The following VPS13D variants were observed in gnomAD, a reference collection of about 807,000 sequenced individuals.
VPS13D encodes the protein intermembrane lipid transfer protein VPS13D.
A neutral mutation model predicts 461.9 loss-of-function variants in VPS13D; 187 were observed. The ratio of observed to expected loss-of-function variants is 0.40; its 90% CI spans 0.36 to 0.46. VPS13D has a LOEUF of 0.46. Among genes scored for constraint, VPS13D ranks in the 20% least tolerant of loss-of-function variants. The probability of loss-of-function intolerance (pLI) is 0.60; values close to 1 mark genes in which losing one functional copy is unlikely to be tolerated. For synonymous variants in VPS13D, 1,951 were observed against 1,986.3 expected, an observed-to-expected ratio of 0.98 and a Z score of 0.47; for missense variants, 4,711 against 5,364.9, an observed-to-expected ratio of 0.88 and a Z score of 3.81.
rs189513902 is a variant in VPS13D, at chr1:12,318,806, A to G, written c.7414+469A>G. On this transcript the variant is annotated intron_variant, in intron 31 of 69. Coordinates refer to ENST00000620676, the MANE Select transcript of VPS13D (RefSeq NM_015378.4). Reference sequence around the variant, plus strand: ...GAATTTACTATGGCATTTGTTGACTAGCGAACTCATCTAGTGCATCTGTAT... The same window carrying G: ...GAATTTACTATGGCATTTGTTGACTGGCGAACTCATCTAGTGCATCTGTAT... Among the ~76,000 whole-genome samples, 257 of 152,372 alleles carry G rather than the reference A, an allele frequency of 1.7e-3. 2 individuals carry two copies. Among genetic ancestry groups the G allele is most frequent in the Middle Eastern group, 0.01 (3 of 294 alleles).
intron 67 of VPS13D, among the ~76,000 whole-genome samples, chr1:12,466,705 C>T (rs1399467280): frequency 6.6e-6 from 1 of 152,176 alleles, no homozygotes; most frequent in African/African-American, 2.4e-5. Context: ...GAACTTGTAC[C>T]TGTTTGACCC....
At chr1:12,289,811 C>T (rs375341173) in intron 22 of VPS13D, among the ~76,000 whole-genome samples, 1 of 152,014 alleles carries the variant, frequency 6.6e-6, no homozygotes, top group African/African-American at 2.4e-5. Context: ...TGGCCAGTGC[C>T]TGTAGTCCCA....
chr1:12,381,896 GTCT>G (rs1644276884), intron 57 of VPS13D, among the ~76,000 whole-genome samples: 1 of 140,304 alleles, frequency 7.1e-6, no homozygotes, highest in Non-Finnish European at 1.6e-5. Context: ...CAGTCAGTCT[GTCT>G]TTTTTTCTTT....
chr1:12,501,224 G>A (rs1182098044), intron 68 of VPS13D, among the ~76,000 whole-genome samples: 3 of 151,896 alleles, frequency 2.0e-5, no homozygotes, highest in Admixed American at 6.6e-5. Flanking sequence ...ATTTTTGAGC[G>A]CACCATATAA....
chr1:12,257,923 G>A lies in VPS13D; in HGVS notation c.942-12G>A. ...TTGTAAGAAGTGATTACATCGTTATGGACTATTTCAGCTGCCGAGAATGGT... is the reference window on the plus strand; with the variant it reads ...TTGTAAGAAGTGATTACATCGTTATAGACTATTTCAGCTGCCGAGAATGGT... On this transcript the variant is annotated splice_polypyrimidine_tract_variant and intron_variant, in intron 9 of 69. Coordinates refer to ENST00000620676, the MANE Select transcript of VPS13D (RefSeq NM_015378.4). 1 of 1,614,050 alleles carries A rather than the reference G, an allele frequency of 6.2e-7. No homozygotes were observed. The highest frequency in any genetic ancestry group is 1.1e-5 in the South Asian group (1 of 91,074).
rs1318815212 is a variant in VPS13D, at chr1:12,362,963, G to T, written c.10273-109G>T. 5.7e-6 allele frequency: 9 copies of T among 1,579,916 alleles called. No homozygotes were observed. In the Admixed American group the frequency reaches 1.6e-4, roughly 27 times the overall value. ...ATGCAAGTAACTGCTCTGTGCCTTT[G>T]GTACCCAGATAGCTCCTGTTAGAGG... On this transcript the variant is annotated intron_variant, in intron 51 of 69. Transcript: ENST00000620676.
chr1:12,381,422 C>T (rs1644270236), intron 57 of VPS13D, among the ~76,000 whole-genome samples: 2 of 152,190 alleles, frequency 1.3e-5, no homozygotes, highest in Admixed American at 6.5e-5. Flanking sequence ...AGCCATAATC[C>T]TGTAGACTCG....
At chr1:12,410,074 A>G (rs1202809922) in intron 63 of VPS13D, among the ~76,000 whole-genome samples, 1 of 152,228 alleles carries the variant, frequency 6.6e-6, no homozygotes, top group Admixed American at 6.5e-5. Context: ...TGCTACTAAG[A>G]GAGCTGGTAA....
intron 52 of VPS13D, among the ~76,000 whole-genome samples, chr1:12,367,104 G>T (rs750131502): frequency 6.6e-6 from 1 of 152,104 alleles, no homozygotes; most frequent in African/African-American, 2.4e-5. Flanking sequence ...TAGTTGCCAC[G>T]TGTATTCTCT....
At chr1:12,289,824 G>T (rs1440315926) in intron 22 of VPS13D, among the ~76,000 whole-genome samples, 4 of 151,922 alleles carry the variant, frequency 2.6e-5, no homozygotes, top group Non-Finnish European at 5.9e-5. Flanking sequence ...TAGTCCCAGC[G>T]ACTCAGGAGG....
intron 65 of VPS13D, among the ~76,000 whole-genome samples, chr1:12,424,982 G>A (rs552145376): frequency 6.6e-6 from 1 of 152,118 alleles, no homozygotes; most frequent in South Asian, 2.1e-4. Flanking sequence ...TTCTTAGGTT[G>A]GCTGGTGACC....
chr1:12,280,236 G>T (rs1477692313), intron 20 of VPS13D, among the ~76,000 whole-genome samples: 1 of 152,062 alleles, frequency 6.6e-6, no homozygotes, highest in African/African-American at 2.4e-5. Context: ...CTCTTAGGAC[G>T]GTCTGTGGTC....
chr1:12,465,928 A>G (rs1488614183), intron 67 of VPS13D, among the ~76,000 whole-genome samples: 5 of 152,106 alleles, frequency 3.3e-5, no homozygotes, highest in Admixed American at 3.3e-4. Context: ...CGAGGTCAAG[A>G]GATCGAGACC....
intron 46 of VPS13D, among the ~76,000 whole-genome samples, chr1:12,353,340 C>T (rs151029489): frequency 0.053 from 8,092 of 151,692 alleles, 321 homozygotes; most frequent in Admixed American, 0.11. Flanking sequence ...AAGACCATCC[C>T]GGCTAACATG....
intron 65 of VPS13D, among the ~76,000 whole-genome samples, chr1:12,438,040 T>C (rs1360509945): frequency 6.6e-6 from 1 of 152,216 alleles, no homozygotes; most frequent in East Asian, 1.9e-4. Context: ...CACACCTTGA[T>C]GTGTGTTCCG....
chr1:12,379,857 C>G (rs1349208866), intron 57 of VPS13D, among the ~76,000 whole-genome samples: 3 of 151,942 alleles, frequency 2.0e-5, no homozygotes, highest in Admixed American at 1.3e-4. Context: ...CAAGCTCCGC[C>G]TCCCGGGTTC....
At chr1:12,432,983 G>C (rs1645012246) in intron 65 of VPS13D, among the ~76,000 whole-genome samples, 1 of 152,208 alleles carries the variant, frequency 6.6e-6, no homozygotes, top group Admixed American at 6.5e-5. Context: ...CAGGTGATGA[G>C]AGTTTGCAAT....
Position 12,379,478 on chromosome 1 carries a change from C to A in VPS13D, c.11082-10C>A. On this transcript the variant is annotated splice_polypyrimidine_tract_variant and intron_variant, in intron 56 of 69. Transcript: ENST00000620676. ...AGGTTTCATGGTTCATTGTGTATTC[C>A]GTTTTCCAGATACGAGCCACTGATG... 6.2e-7 allele frequency: 1 copy of A among 1,610,480 alleles called. No individual in the cohort carries two copies. Among genetic ancestry groups the A allele is most frequent in the Non-Finnish European group, 8.5e-7 (1 of 1,178,088 alleles).
At chr1:12,343,096 G>T (rs377161105) in intron 42 of VPS13D, 45 bp downstream of exon 42, 1 of 1,536,814 alleles carries the variant, frequency 6.5e-7, no homozygotes, top group South Asian at 1.2e-5. Context: ...GAAAGTGGAT[G>T]TAAGTGAGGG....
Sources: gnomAD v4.1 joint callset for allele counts (sites outside exome capture counted in the v4.1 genomes callset) on GRCh38, gnomAD v4.1.1 for gene constraint, MANE v1.5 for transcripts, NCBI Gene and HGNC (gene_info 2026-07-23, HGNC 2026-07-21) for gene names.